The following PCM1 variants were observed in gnomAD, a reference collection of about 807,000 sequenced individuals.
The protein encoded by PCM1 is pericentriolar material 1 protein.
In PCM1, 157 loss-of-function variants were observed where a neutral mutation model predicts 241.9. The ratio of observed to expected loss-of-function variants is 0.65; its 90% CI spans 0.57 to 0.74. PCM1 has a LOEUF of 0.74. Ranked by LOEUF, PCM1 falls within the 30% of genes least tolerant of loss-of-function variation. The pLI is 0.00. For synonymous variants in PCM1, 1,085 were observed against 784.9 expected (o/e 1.38, Z -6.39); for missense variants, 3,478 against 2,360.1 (o/e 1.47, Z -9.81).
chr8:17,951,453 T>A (rs1452863356), intron 8 of PCM1, among the ~76,000 whole-genome samples: 1 of 152,078 alleles, frequency 6.6e-6, no homozygotes, highest in Non-Finnish European at 1.5e-5. Flanking sequence ...CAGAAGGAGG[T>A]AGATGGAAGA....
At chr8:17,925,759 C>A (rs1448024253) in intron 2 of PCM1, 1 of 152,240 alleles carries the variant, frequency 6.6e-6, no homozygotes, top group Non-Finnish European at 1.5e-5. Flanking sequence ...ATGGCGTGAA[C>A]CTGGGAGCAG....
intron 36 of PCM1, among the ~76,000 whole-genome samples, chr8:18,018,285 T>C (rs1365351350): frequency 2.0e-5 from 3 of 152,218 alleles, no homozygotes; most frequent in Non-Finnish European, 4.4e-5. Flanking sequence ...ATTGATCATA[T>C]TGAAACTCAC....
Position 17,972,427 on chromosome 8 carries a change from T to C in PCM1, c.3683T>C (p.Phe1228Ser). Reference sequence around the variant, plus strand: ...GAGAAACCATTTATCAAGACTGGATTTTCAGTGTCTGTAGAAAAATCTACA... The same window carrying C: ...GAGAAACCATTTATCAAGACTGGATCTTCAGTGTCTGTAGAAAAATCTACA... Reference protein sequence around the residue: ...EVEKPFIKTGFSVSVEKSTSS... With the variant: ...EVEKPFIKTGSSVSVEKSTSS... Residue 1228 changes from phenylalanine (F) to serine (S), a missense_variant, in exon 23 of 39, where the codon TTT (phenylalanine) becomes TCT (serine). By Grantham distance (155) the Phe-to-Ser change is radical. Coordinates refer to ENST00000325083, the MANE Select transcript of PCM1 (RefSeq NM_006197.4). 1 of 1,612,578 alleles carries C rather than the reference T, an allele frequency of 6.2e-7. No individual in the cohort carries two copies. Among genetic ancestry groups the C allele is most frequent in the African/African-American group, 1.3e-5 (1 of 74,938 alleles).
intron 21 of PCM1, among the ~76,000 whole-genome samples, chr8:17,968,282 C>G (rs1202236616): frequency 2.0e-5 from 3 of 152,060 alleles, no homozygotes; most frequent in Non-Finnish European, 4.4e-5. Context: ...TGCAAACAAG[C>G]TTAGGTTTTA....
At chr8:17,999,943 G>A (rs912204585) in intron 29 of PCM1, among the ~76,000 whole-genome samples, 5 of 152,120 alleles carry the variant, frequency 3.3e-5, no homozygotes, top group Admixed American at 3.3e-4. Context: ...TTGTTCTCAT[G>A]GAGCTTGCAT....
At chr8:17,975,523 G>A (rs376533559) in intron 23 of PCM1, among the ~76,000 whole-genome samples, 11 of 152,064 alleles carry the variant, frequency 7.2e-5, no homozygotes, top group Admixed American at 2.6e-4. Context: ...AGTTTAGAAA[G>A]CCTTTCAAAT....
intron 2 of PCM1, among the ~76,000 whole-genome samples, chr8:17,933,718 G>T (rs1257005881): frequency 6.6e-6 from 1 of 152,010 alleles, no homozygotes; most frequent in East Asian, 1.9e-4. Flanking sequence ...ACGTTCTCTA[G>T]ATTTTTAAAA....
chr8:17,999,278 C>CT (rs1472359594), intron 29 of PCM1, among the ~76,000 whole-genome samples: 5 of 152,120 alleles, frequency 3.3e-5, no homozygotes, highest in African/African-American at 4.8e-5. Context: ...CAGAACATCT[C>CT]TGAGTCTCAC....
intron 36 of PCM1, among the ~76,000 whole-genome samples, chr8:18,016,267 C>T (rs1564409414): frequency 7.4e-6 from 1 of 134,448 alleles, no homozygotes; most frequent in East Asian, 2.0e-4. Flanking sequence ...TTGGCAGCCT[C>T]AGGTAGGTGA....
chr8:17,956,958 A>G (rs1404863538), intron 11 of PCM1, among the ~76,000 whole-genome samples, 181 bp downstream of exon 11: 1 of 152,250 alleles, frequency 6.6e-6, no homozygotes, highest in East Asian at 1.9e-4. Context: ...AGTATGGAGT[A>G]CAATAGTTCA....
chr8:17,934,489 GACCTCAAGTGATCCGCTT>G (rs935480965), intron 2 of PCM1, among the ~76,000 whole-genome samples: 1 of 152,078 alleles, frequency 6.6e-6, no homozygotes, highest in African/African-American at 2.4e-5. Context: ...TTGAACTCCT[GACCTCAAGTGATCCGCTT>G]ACCTCAGCTT....
At chr8:17,998,035 GA>G (rs764623076) in intron 29 of PCM1, among the ~76,000 whole-genome samples, 5,398 of 127,040 alleles carry the variant, frequency 0.042, 257 homozygotes, top group African/African-American at 0.13. Context: ...GGCTCCGTCT[GA>G]AAAAAAAAAA....
chr8:17,974,951 G>T (rs2078214894), intron 23 of PCM1, among the ~76,000 whole-genome samples: 1 of 151,896 alleles, frequency 6.6e-6, no homozygotes, highest in Admixed American at 6.6e-5. Context: ...GTAATATGGG[G>T]TAAAATCAAA....
At chr8:18,016,039 T>G (rs1215099292) in intron 36 of PCM1, among the ~76,000 whole-genome samples, 5 of 152,108 alleles carry the variant, frequency 3.3e-5, no homozygotes, top group African/African-American at 1.2e-4. Flanking sequence ...CAGACGTGTG[T>G]CACCACACCC....
chr8:17,981,623 G>A lies in PCM1; in HGVS notation c.4108+868G>A, dbSNP rs184907016. Reference sequence around the variant, plus strand: ...ATTGACATTAGTATAAAATGCATGCGTTTTTTGTTTAAAAATGATAACAGC... The same window carrying A: ...ATTGACATTAGTATAAAATGCATGCATTTTTTGTTTAAAAATGATAACAGC... On this transcript the variant is annotated intron_variant, in intron 24 of 38. Coordinates refer to ENST00000325083, the MANE Select transcript of PCM1 (RefSeq NM_006197.4). Among the ~76,000 whole-genome samples, 134 of 152,106 alleles carry A rather than the reference G, an allele frequency of 8.8e-4. 1 individual carries two copies. In the South Asian group the frequency reaches 0.012, roughly 13 times the overall value.
chr8:18,012,880 T>C (rs987298769), intron 34 of PCM1, among the ~76,000 whole-genome samples: 3 of 152,238 alleles, frequency 2.0e-5, no homozygotes, highest in Admixed American at 2.0e-4. Flanking sequence ...ATTTTTAACT[T>C]CTGAACACTT....
chr8:18,025,717 T>C (rs958955001), intron 38 of PCM1, 59 bp downstream of exon 38: 26 of 947,196 alleles, frequency 2.7e-5, no homozygotes, highest in Non-Finnish European at 3.7e-5. Context: ...TTCATACTAC[T>C]ATTGTGTTTT....
At position 17,972,542 on chromosome 8, in the gene PCM1, T is replaced by C; in HGVS notation, c.3798T>C (p.Asp1266=). The change falls in exon 23 of 39, where the codon GAT becomes GAC. Residue 1266 remains aspartate, a synonymous_variant. Transcript: ENST00000325083. ...TGGAAAGCTTTAGCAGTATGCCTGA[T>C]CCAGTAGATCCAACAACAGTGACTA... ...ESLESFSSMP[D]PVDPTTVTKT... 6.2e-7 allele frequency: 1 copy of C among 1,613,858 alleles called. No individual in the cohort carries two copies. Among genetic ancestry groups the C allele is most frequent in the East Asian group, 2.2e-5 (1 of 44,870 alleles).
intron 24 of PCM1, among the ~76,000 whole-genome samples, chr8:17,985,177 A>G (rs1366888175): frequency 1.3e-4 from 19 of 151,884 alleles, no homozygotes; most frequent in Admixed American, 1.1e-3. Context: ...TATATTTTAT[A>G]TGATCAGAAA....
Sources: gnomAD v4.1 joint callset for allele counts (sites outside exome capture counted in the v4.1 genomes callset) on GRCh38, gnomAD v4.1.1 for gene constraint, MANE v1.5 for transcripts, NCBI Gene and HGNC (gene_info 2026-07-23, HGNC 2026-07-21) for gene names.